ANO3: variants seen among roughly 807,000 people sequenced by gnomAD.
The protein encoded by ANO3 is anoctamin 3.
In ANO3, 99 loss-of-function variants were observed where a neutral mutation model predicts 144.8. The observed-to-expected ratio is 0.68, with a 90% CI of 0.58 to 0.81. The LOEUF (loss-of-function observed/expected upper bound fraction) is 0.81. Ranked by LOEUF, ANO3 falls within the 30% of genes least tolerant of loss-of-function variation. The pLI, the probability that ANO3 is intolerant of heterozygous loss-of-function variation, is 0.00. For missense variants in ANO3, 905 were observed against 1,202.2 expected (o/e 0.75, Z 3.66); for synonymous variants, 414 against 392.6 (o/e 1.05, Z -0.64).
intron 1 of ANO3, among the ~76,000 whole-genome samples, chr11:26,359,092 T>G (rs1855858443): frequency 1.3e-5 from 2 of 152,242 alleles, no homozygotes; most frequent in South Asian, 4.1e-4. Context: ...ATTTTTCTGG[T>G]GCTTTGAATG....
At chr11:26,519,501 C>T (rs139639320) in intron 6 of ANO3, among the ~76,000 whole-genome samples, 167 of 152,320 alleles carry the variant, frequency 1.1e-3, no homozygotes, top group African/African-American at 4.0e-3. Flanking sequence ...TTACCACATA[C>T]TGGATGTCTT....
At chr11:26,215,788 C>A (rs1396014813) in intron 1 of ANO3, among the ~76,000 whole-genome samples, 1 of 151,798 alleles carries the variant, frequency 6.6e-6, no homozygotes, top group Non-Finnish European at 1.5e-5. Flanking sequence ...ACTGATGTAC[C>A]GGACTCTAAT....
intron 3 of ANO3, among the ~76,000 whole-genome samples, chr11:26,452,704 A>C (rs925617050): frequency 0.014 from 2,091 of 152,156 alleles, 46 homozygotes; most frequent in African/African-American, 0.047. Flanking sequence ...GGCAGGCCAA[A>C]ATTCAGATTC....
At chr11:26,489,593 A>G (rs1034146493) in intron 4 of ANO3, among the ~76,000 whole-genome samples, 5 of 152,196 alleles carry the variant, frequency 3.3e-5, no homozygotes, top group Admixed American at 1.3e-4. Context: ...ACACTAGTGC[A>G]TGAAAGCATC....
intron 1 of ANO3, among the ~76,000 whole-genome samples, chr11:26,266,148 A>C (rs572367749): frequency 6.6e-6 from 1 of 152,166 alleles, no homozygotes; most frequent in Non-Finnish European, 1.5e-5. Flanking sequence ...ATTATCTAGG[A>C]GGATTTTTTT....
chr11:26,533,842 A>G (rs118102367), intron 8 of ANO3, among the ~76,000 whole-genome samples: 4,130 of 152,316 alleles, frequency 0.027, 93 homozygotes, highest in Non-Finnish European at 0.044. Flanking sequence ...TCACTCACAT[A>G]GATAGAGTAA....
In ANO3 at chr11:26,529,738, T is replaced by C. The variant is rs1345910479; in HGVS notation, c.738-1467T>C. Among the ~76,000 whole-genome samples, 6 of 151,856 alleles carry C rather than the reference T, an allele frequency of 4.0e-5. No individual in the cohort carries two copies. The East Asian group carries it at 9.7e-4, about 25-fold the overall frequency. On this transcript the variant is annotated intron_variant, in intron 7 of 26. Coordinates refer to ENST00000256737, the MANE Select transcript of ANO3 (RefSeq NM_031418.4). ...GTGTTATTAAACACAGCTATTATTATAGTAACTCTGAATTTAGACTTTCAG... is the reference window on the plus strand; with the variant it reads ...GTGTTATTAAACACAGCTATTATTACAGTAACTCTGAATTTAGACTTTCAG...
At chr11:26,479,722 T>C (rs917652965) in intron 4 of ANO3, among the ~76,000 whole-genome samples, 7 of 152,250 alleles carry the variant, frequency 4.6e-5, no homozygotes, top group South Asian at 4.1e-4. Context: ...CTATAATATA[T>C]ACTGCATGTC....
intron 13 of ANO3, 178 bp from the exon 14 acceptor site, chr11:26,559,541 G>A (rs917625132): frequency 3.5e-6 from 2 of 572,260 alleles, no homozygotes; most frequent in African/African-American, 3.8e-5. Flanking sequence ...CTCCCCATGA[G>A]AAAAATCATG....
intron 1 of ANO3, among the ~76,000 whole-genome samples, chr11:26,220,664 A>C (rs1852124335): frequency 6.6e-6 from 1 of 152,206 alleles, no homozygotes; most frequent in Non-Finnish European, 1.5e-5. Context: ...GTTTCTTATC[A>C]TGTCCTCATG....
Position 26,595,460 on chromosome 11 carries a change from G to GTTTTTTTTTTTTTTT in ANO3, c.1448-2892_1448-2878dup, listed in dbSNP as rs201712393. Among the ~76,000 whole-genome samples, 242 of 101,330 alleles carry GTTTTTTTTTTTTTTT rather than the reference G, an allele frequency of 2.4e-3. 12 individuals are homozygous for GTTTTTTTTTTTTTTT. Among genetic ancestry groups the GTTTTTTTTTTTTTTT allele is most frequent in the African/African-American group, 3.6e-3 (86 of 23,926 alleles). 66.5% of individuals were successfully genotyped at this position (101,330 alleles called of 152,430 possible). A position where few individuals can be genotyped will look rare whatever the true frequency, so the allele number is the denominator to read the frequency against. ...TTTGACTCAGTATTGAGATAGAGTT[G>GTTTTTTTTTTTTTTT]TTTTTTTTTTTTTTTTTTTTTTTTT... On this transcript the variant is annotated intron_variant, in intron 14 of 26. Transcript: ENST00000256737.
intron 1 of ANO3, among the ~76,000 whole-genome samples, chr11:26,370,385 C>A (rs1856216001): frequency 6.6e-6 from 1 of 152,136 alleles, no homozygotes; most frequent in East Asian, 1.9e-4. Flanking sequence ...AATTAAACCT[C>A]TTTTCTTTAC....
chr11:26,624,293 T>C (rs1019777335), intron 17 of ANO3, among the ~76,000 whole-genome samples, 169 bp from the exon 18 acceptor site: 16 of 152,262 alleles, frequency 1.1e-4, no homozygotes, highest in Admixed American at 5.2e-4. Flanking sequence ...ATTTCATTCA[T>C]GTATGTATAT....
At chr11:26,232,539 T>A (rs1380079684) in intron 1 of ANO3, among the ~76,000 whole-genome samples, 1 of 152,122 alleles carries the variant, frequency 6.6e-6, no homozygotes, top group Non-Finnish European at 1.5e-5. Flanking sequence ...GGGAAAGGAT[T>A]CCCTATTTAA....
At chr11:26,291,966 G>A (rs985723545) in intron 1 of ANO3, among the ~76,000 whole-genome samples, 1 of 152,094 alleles carries the variant, frequency 6.6e-6, no homozygotes, top group East Asian at 1.9e-4. Flanking sequence ...GCCTTGCTAG[G>A]TTGGGGAAGT....
chr11:26,563,585 A>G (rs1438284718), intron 14 of ANO3, among the ~76,000 whole-genome samples: 2 of 151,920 alleles, frequency 1.3e-5, no homozygotes, highest in Non-Finnish European at 2.9e-5. Context: ...CTGAAATGCC[A>G]TGTGCATACT....
chr11:26,537,275 G>A, intron 9 of ANO3, 131 bp from the exon 10 acceptor site: 1 of 705,446 alleles, frequency 1.4e-6, no homozygotes, highest in Non-Finnish European at 2.5e-6. Context: ...CATAGGTGAT[G>A]TGGCTATGGA....
At chr11:26,330,378 C>G (rs1377949255), upstream of ANO3, among the ~76,000 whole-genome samples, 1 of 152,142 alleles carries the variant, frequency 6.6e-6, no homozygotes, top group Non-Finnish European at 1.5e-5. Context: ...AGTCTCTGAA[C>G]TGTGTTTTAG....
chr11:26,262,554 T>C (rs1026996097), intron 1 of ANO3, among the ~76,000 whole-genome samples: 1 of 152,102 alleles, frequency 6.6e-6, no homozygotes, highest in Non-Finnish European at 1.5e-5. Context: ...ATATAATAGG[T>C]CTTCTGTTTT....
Sources: gnomAD v4.1 joint callset for allele counts (sites outside exome capture counted in the v4.1 genomes callset) on GRCh38, gnomAD v4.1.1 for gene constraint, MANE v1.5 for transcripts, NCBI Gene and HGNC (gene_info 2026-07-23, HGNC 2026-07-21) for gene names.